Variants in PAWR observed in about 807,000 individuals in gnomAD.
PAWR encodes PRKC apoptosis WT1 regulator protein.
In PAWR, 23 loss-of-function variants were observed where a neutral mutation model predicts 32.0. The ratio of observed to expected loss-of-function variants is 0.72; its 90% CI spans 0.52 to 1.02. The LOEUF (loss-of-function observed/expected upper bound fraction) is 1.02, where lower values mean the gene tolerates loss of function less well. PAWR is among the 50% of genes least tolerant of loss of function. PAWR has a pLI of 0.00. For synonymous variants in PAWR, 226 were observed against 187.1 expected, an observed-to-expected ratio of 1.21 and a Z score of -1.70; for missense variants, 457 against 437.7, an observed-to-expected ratio of 1.04 and a Z score of -0.39.
chr12:79,639,597 C>T lies in PAWR; in HGVS notation c.517-18390G>A, dbSNP rs565442867. ...CCTGGACTTCTATGCACATCCTCTC[C>T]CTTTACCCATATATTCCTCTAAAAA... On this transcript the variant is annotated intron_variant, in intron 2 of 6. Coordinates refer to ENST00000328827, the MANE Select transcript of PAWR (RefSeq NM_002583.4). Among the ~76,000 whole-genome samples, 10 of 152,242 alleles carry T rather than the reference C, an allele frequency of 6.6e-5. No homozygotes were observed. The South Asian group carries it at 2.1e-3, about 32-fold the overall frequency.
At chr12:79,658,284 C>T (rs901272513) in intron 2 of PAWR, among the ~76,000 whole-genome samples, 1 of 151,956 alleles carries the variant, frequency 6.6e-6, no homozygotes, top group African/African-American at 2.4e-5. Context: ...AGAAATTAGG[C>T]CAGAATCAAG....
chr12:79,634,565 T>C (rs1485667861), intron 2 of PAWR, among the ~76,000 whole-genome samples: 1 of 152,204 alleles, frequency 6.6e-6, no homozygotes, highest in African/African-American at 2.4e-5. Context: ...CTAAGCAGTC[T>C]AACTCCAAAA....
Position 79,653,041 on chromosome 12 carries a change from A to G in PAWR, c.517-31834T>C, listed in dbSNP as rs375698394. Among the ~76,000 whole-genome samples the G allele has an allele frequency of 4.1e-3, 621 of 152,124 alleles. 12 individuals carry two copies. Among genetic ancestry groups the G allele is most frequent in the African/African-American group, 0.014 (590 of 41,526 alleles). On this transcript the variant is annotated intron_variant, in intron 2 of 6. Coordinates refer to ENST00000328827, the MANE Select transcript of PAWR (RefSeq NM_002583.4). The stretch of plus-strand genomic sequence containing the variant: ...ATTCTGTTTTTGTGTTTGTTTTTTT[A>G]TTTGTTTGTTTGTTTTTTTGAGACA...
At chr12:79,630,732 AT>A (rs1363063548) in intron 2 of PAWR, among the ~76,000 whole-genome samples, 1 of 152,172 alleles carries the variant, frequency 6.6e-6, no homozygotes, top group Non-Finnish European at 1.5e-5. Flanking sequence ...TAAAGAAAAT[AT>A]CAAACCAAGA....
chr12:79,650,831 A>C (rs2136796380), intron 2 of PAWR, among the ~76,000 whole-genome samples: 1 of 152,194 alleles, frequency 6.6e-6, no homozygotes, highest in African/African-American at 2.4e-5. Context: ...AATGTAGTTA[A>C]TCTTCTTTTT....
intron 2 of PAWR, among the ~76,000 whole-genome samples, chr12:79,634,868 C>T (rs1771468664): frequency 6.6e-6 from 1 of 151,642 alleles, no homozygotes; most frequent in Non-Finnish European, 1.5e-5. Context: ...TGTATGTTAA[C>T]GTTTTTACAT....
chr12:79,609,360 T>C (rs1257656009), intron 4 of PAWR, among the ~76,000 whole-genome samples: 4 of 152,144 alleles, frequency 2.6e-5, no homozygotes, highest in Admixed American at 6.6e-5. Flanking sequence ...ACATCACATA[T>C]GGAAGTGATA....
At chr12:79,664,353 G>A (rs1023737275) in intron 2 of PAWR, among the ~76,000 whole-genome samples, 4 of 151,788 alleles carry the variant, frequency 2.6e-5, no homozygotes, top group Non-Finnish European at 4.4e-5. Flanking sequence ...AAAATATATA[G>A]TAAATTAAAC....
In PAWR at chr12:79,591,914, A is replaced by C. The variant is rs1414253634; in HGVS notation, c.*693T>G. 1 of 152,574 alleles carries C rather than the reference A, an allele frequency of 6.6e-6. No homozygotes were observed. The highest frequency in any genetic ancestry group is 1.5e-5 in the Non-Finnish European group (1 of 67,988). The allele number at this position is 152,574 out of a possible 1,614,324, so 9.5% of individuals were successfully genotyped here. A position where few individuals can be genotyped will look rare whatever the true frequency, so the allele number is the denominator to read the frequency against. ...TACCTACATAAGAAATTTTACATTG[A>C]AATTACAATTGTATGTTTTTCAGGA... On this transcript the variant is annotated 3_prime_UTR_variant, in exon 7 of 7. Coordinates refer to ENST00000328827, the MANE Select transcript of PAWR (RefSeq NM_002583.4).
intron 4 of PAWR, among the ~76,000 whole-genome samples, chr12:79,607,590 G>GT (rs1267892255): frequency 6.6e-6 from 1 of 151,978 alleles, no homozygotes; most frequent in Non-Finnish European, 1.5e-5. Flanking sequence ...TTAGCTGGGT[G>GT]TGGTGGCACA....
chr12:79,671,216 A>G (rs1877883297), intron 2 of PAWR, among the ~76,000 whole-genome samples: 2 of 152,072 alleles, frequency 1.3e-5, no homozygotes, highest in African/African-American at 4.8e-5. Context: ...GTGGTGTTTT[A>G]AACTTTAATT....
In PAWR at chr12:79,690,278, G is replaced by A. The variant is rs1878945666; in HGVS notation, c.-34C>T. The A allele has an allele frequency of 2.1e-6, 3 of 1,446,208 alleles. No individual in the cohort carries two copies. The highest frequency in any genetic ancestry group is 3.0e-5 in the East Asian group (1 of 33,620). 89.6% of individuals were successfully genotyped at this position (1,446,208 alleles called of 1,614,324 possible). A position where few individuals can be genotyped will look rare whatever the true frequency, so the allele number is the denominator to read the frequency against. On this transcript the variant is annotated 5_prime_UTR_variant, in exon 2 of 7. Transcript: ENST00000328827. ...AGGGGCCGGTCGGGCTCTCACCTCA[G>A]GCCGCCCACCAGGGCTCCGGCCGCT...
chr12:79,690,465 G>C lies in PAWR; in HGVS notation c.-147-74C>G. 3 of 986,104 alleles carry C rather than the reference G, an allele frequency of 3.0e-6. No individual in the cohort carries two copies. In the Middle Eastern group the frequency reaches 1.1e-3, roughly 349 times the overall value. 61.1% of individuals were successfully genotyped at this position (986,104 alleles called of 1,614,324 possible). On this transcript the variant is annotated intron_variant, in intron 1 of 6. Transcript: ENST00000328827. Reference sequence around the variant, plus strand: ...GCCCGACCCAAGGGTCTGCCCCCGGGCTGCGCCCCTTGGAGTCCTCGAGCG... The same window carrying C: ...GCCCGACCCAAGGGTCTGCCCCCGGCCTGCGCCCCTTGGAGTCCTCGAGCG...
rs12227898 is a variant in PAWR at position 79,586,139 on chromosome 12, A to C, written c.*6468T>G. The C allele has an allele frequency of 0.12, 17,522 of 152,220 alleles. 1,077 individuals carry two copies. The highest frequency in any genetic ancestry group is 0.13 in the Non-Finnish European group (9,165 of 67,968). The allele number at this position is 152,220 out of a possible 1,614,324, so 9.4% of individuals were successfully genotyped here. On this transcript the variant is annotated 3_prime_UTR_variant, in exon 7 of 7. Transcript: ENST00000328827. ...GTTTATTGTCCTAAGCCATCCATACACAAAACGTTTAATGTGTTATGGAAG... is the reference window on the plus strand; with the variant it reads ...GTTTATTGTCCTAAGCCATCCATACCCAAAACGTTTAATGTGTTATGGAAG...
intron 4 of PAWR, among the ~76,000 whole-genome samples, chr12:79,597,577 AATTCTCCACTATAAGTATGCAT>A (rs1873810377): frequency 6.6e-6 from 1 of 152,230 alleles, no homozygotes. Flanking sequence ...ATCAGTGGCA[AATTCTCCACTATAAGTATGCAT>A]ACAGGCAATC....
At chr12:79,680,169 T>G (rs1189657287) in intron 2 of PAWR, among the ~76,000 whole-genome samples, 1 of 152,218 alleles carries the variant, frequency 6.6e-6, no homozygotes, top group African/African-American at 2.4e-5. Flanking sequence ...ACACTAATTT[T>G]GTGTTTGCTT....
At chr12:79,629,049 T>C (rs1875481158) in intron 2 of PAWR, among the ~76,000 whole-genome samples, 1 of 151,612 alleles carries the variant, frequency 6.6e-6, no homozygotes, top group Non-Finnish European at 1.5e-5. Context: ...AAAGATAAAA[T>C]TGAATGATTA....
chr12:79,651,703 C>A (rs1454623630), intron 2 of PAWR, among the ~76,000 whole-genome samples: 2 of 22,542 alleles, frequency 8.9e-5, no homozygotes, highest in Non-Finnish European at 6.8e-4. Flanking sequence ...AAAAAAATGG[C>A]GGGGGCTGGG....
At chr12:79,662,796 T>G (rs562526550) in intron 2 of PAWR, among the ~76,000 whole-genome samples, 1 of 152,220 alleles carries the variant, frequency 6.6e-6, no homozygotes, top group Non-Finnish European at 1.5e-5. Context: ...TACTAAGCAC[T>G]CTTAGCACTT....
Sources: allele counts gnomAD v4.1 joint callset (sites outside exome capture counted in the v4.1 genomes callset), GRCh38; gene constraint gnomAD v4.1.1; transcripts MANE v1.5; gene names NCBI Gene and HGNC (gene_info 2026-07-23, HGNC 2026-07-21).